Variants in NSMCE2 observed in about 807,000 individuals in gnomAD.
The protein encoded by NSMCE2 is E3 SUMO-protein ligase NSE2.
NSMCE2 carries 24 observed loss-of-function variants against 23.8 expected under a neutral mutation model. That is an observed-to-expected ratio of 1.01 (90% CI 0.73 to 1.42). The LOEUF is 1.42. Among genes scored for constraint, NSMCE2 ranks in the 40% most tolerant of loss-of-function variants. NSMCE2 has a pLI of 0.00. For missense variants in NSMCE2, 284 were observed against 296.5 expected (o/e 0.96, Z 0.31); for synonymous variants, 92 against 94.1 (o/e 0.98, Z 0.13).
intron 5 of NSMCE2, among the ~76,000 whole-genome samples, chr8:125,207,757 G>A (rs912588672): frequency 4.6e-5 from 7 of 152,234 alleles, no homozygotes; most frequent in Admixed American, 6.5e-5. Flanking sequence ...CAGATTGGCT[G>A]GGAGCTTCTG....
rs953667902 is a variant in NSMCE2, at chr8:125,122,161, T to C, written c.157+19674T>C. ...CTCTGATGATTGACTTAGAAGGTTC[T>C]CTGGCTGAGCCAAAAAAAAAAAAAA... is the stretch of plus-strand genomic sequence containing the variant. On this transcript the variant is annotated intron_variant, in intron 3 of 7. Transcript: ENST00000287437. Among the ~76,000 whole-genome samples, 5 of 134,180 alleles carry C rather than the reference T, an allele frequency of 3.7e-5. No individual in the cohort carries two copies. The Admixed American group carries it at 3.8e-4, about 10-fold the overall frequency. 88.0% of individuals were successfully genotyped at this position (134,180 alleles called of 152,430 possible). A position where few individuals can be genotyped will look rare whatever the true frequency, so the allele number is the denominator to read the frequency against.
chr8:125,158,612 A>T (rs1052585605), intron 4 of NSMCE2, among the ~76,000 whole-genome samples: 2 of 152,210 alleles, frequency 1.3e-5, no homozygotes, highest in African/African-American at 2.4e-5. Context: ...TACCCAAATG[A>T]TATGAATGTT....
intron 7 of NSMCE2, chr8:125,363,321 G>A (rs949020820): frequency 6.6e-6 from 1 of 152,016 alleles, no homozygotes; most frequent in African/African-American, 2.4e-5. Context: ...TGGGAAACAT[G>A]GTGAAACTCT....
At chr8:125,309,544 G>A (rs747860360) in intron 5 of NSMCE2, among the ~76,000 whole-genome samples, 8 of 152,028 alleles carry the variant, frequency 5.3e-5, no homozygotes, top group Admixed American at 6.6e-5. Flanking sequence ...ACAACATAGC[G>A]AGACCCCTGT....
intron 4 of NSMCE2, among the ~76,000 whole-genome samples, chr8:125,179,023 C>G (rs1211198811): frequency 6.6e-6 from 1 of 152,150 alleles, no homozygotes; most frequent in Non-Finnish European, 1.5e-5. Context: ...TGGACTTGCC[C>G]TGATCTTGGA....
At chr8:125,184,131 C>T (rs564984942) in intron 5 of NSMCE2, among the ~76,000 whole-genome samples, 1 of 152,148 alleles carries the variant, frequency 6.6e-6, no homozygotes, top group East Asian at 1.9e-4. Context: ...GACTTAGCAT[C>T]CAATCACAAT....
intron 5 of NSMCE2, among the ~76,000 whole-genome samples, chr8:125,322,154 C>G (rs532152337): frequency 1.3e-5 from 2 of 152,116 alleles, no homozygotes; most frequent in African/African-American, 4.8e-5. Flanking sequence ...GTCGCTTGAG[C>G]CCAGGAGTTT....
chr8:125,365,330 A>G (rs552072862), intron 7 of NSMCE2, among the ~76,000 whole-genome samples: 6 of 152,184 alleles, frequency 3.9e-5, no homozygotes, highest in East Asian at 1.9e-4. Context: ...GGCAAGTCCT[A>G]TAGGTTCTAT....
chr8:125,104,989 C>T (rs901645499), intron 3 of NSMCE2, among the ~76,000 whole-genome samples: 2 of 152,202 alleles, frequency 1.3e-5, no homozygotes, highest in African/African-American at 4.8e-5. Flanking sequence ...TGCCACTGTA[C>T]TCCAGCCTGG....
At chr8:125,256,853 G>T (rs1241837092) in intron 5 of NSMCE2, among the ~76,000 whole-genome samples, 1 of 137,374 alleles carries the variant, frequency 7.3e-6, no homozygotes, top group Non-Finnish European at 1.5e-5. Context: ...TTGAACCTGG[G>T]AAGTGGTTGC....
chr8:125,158,819 G>C (rs924492286), intron 4 of NSMCE2, among the ~76,000 whole-genome samples: 1 of 152,222 alleles, frequency 6.6e-6, no homozygotes, highest in African/African-American at 2.4e-5. Flanking sequence ...CTGCAGAAGA[G>C]AGATGGGGAA....
At chr8:125,115,603 T>C (rs1425644131) in intron 3 of NSMCE2, among the ~76,000 whole-genome samples, 1 of 152,094 alleles carries the variant, frequency 6.6e-6, no homozygotes, top group African/African-American at 2.4e-5. Flanking sequence ...ATACAAAAAT[T>C]AGCCAGGCAT....
intron 7 of NSMCE2, among the ~76,000 whole-genome samples, chr8:125,360,070 G>A (rs1253717341): frequency 6.6e-6 from 1 of 152,280 alleles, no homozygotes; most frequent in East Asian, 1.9e-4. Context: ...GTAAGAGAAA[G>A]GAAGAAGCAG....
chr8:125,250,402 T>A (rs942278147), intron 5 of NSMCE2, among the ~76,000 whole-genome samples: 10 of 152,222 alleles, frequency 6.6e-5, no homozygotes, highest in Admixed American at 2.0e-4. Flanking sequence ...CCAAAAAAGA[T>A]GTGTTATAGC....
At chr8:125,315,012 G>A (rs1829123411) in intron 5 of NSMCE2, among the ~76,000 whole-genome samples, 1 of 152,182 alleles carries the variant, frequency 6.6e-6, no homozygotes, top group Non-Finnish European at 1.5e-5. Flanking sequence ...AAAGGAAGGA[G>A]ATATAATTAG....
chr8:125,270,000 T>C (rs1240264234), intron 5 of NSMCE2, among the ~76,000 whole-genome samples: 1 of 152,190 alleles, frequency 6.6e-6, no homozygotes, highest in African/African-American at 2.4e-5. Flanking sequence ...TTAGGACTAG[T>C]CTCTTTACAA....
In NSMCE2 at chr8:125,232,224, G is replaced by A. The variant is rs75831237; in HGVS notation, c.418+49968G>A. Among the ~76,000 whole-genome samples the A allele has an allele frequency of 4.1e-3, 628 of 152,250 alleles. 7 individuals carry two copies. Among genetic ancestry groups the A allele is most frequent in the African/African-American group, 0.014 (595 of 41,560 alleles). ...AAAAATACAAAAAAATCAGCCGGAT[G>A]TGGTGGTGCATGCCTGTAATCGCAG... On this transcript the variant is annotated intron_variant, in intron 5 of 7. Transcript: ENST00000287437.
At chr8:125,255,408 ACT>A (rs1274823786) in intron 5 of NSMCE2, among the ~76,000 whole-genome samples, 3 of 152,326 alleles carry the variant, frequency 2.0e-5, no homozygotes, top group African/African-American at 7.2e-5. Context: ...TCACAGGAAC[ACT>A]GAGTCGAGAC....
chr8:125,121,163 A>G (rs141674214), intron 3 of NSMCE2, among the ~76,000 whole-genome samples: 1,962 of 152,322 alleles, frequency 0.013, 37 homozygotes, highest in African/African-American at 0.045. Flanking sequence ...TGGAAAAGCT[A>G]TATATACATG....
Sources: allele counts gnomAD v4.1 joint callset (sites outside exome capture counted in the v4.1 genomes callset), GRCh38; gene constraint gnomAD v4.1.1; transcripts MANE v1.5; gene names NCBI Gene and HGNC (gene_info 2026-07-23, HGNC 2026-07-21).